The following GPHN variants were observed in gnomAD, a reference collection of about 807,000 sequenced individuals.
GPHN encodes gephyrin.
In GPHN, 17 loss-of-function variants were observed where a neutral mutation model predicts 95.5. That is an observed-to-expected ratio of 0.18 (90% CI 0.12 to 0.27). The LOEUF (loss-of-function observed/expected upper bound fraction) is 0.27. GPHN is among the 10% of genes least tolerant of loss of function. The probability of loss-of-function intolerance (pLI) is 1.00; values close to 1 mark genes in which losing one functional copy is unlikely to be tolerated. For synonymous variants in GPHN, 320 were observed against 322.5 expected, an observed-to-expected ratio of 0.99 and a Z score of 0.08; for missense variants, 660 against 978.1, an observed-to-expected ratio of 0.67 and a Z score of 4.34.
chr14:66,886,590 GA>G (rs781310952), intron 5 of GPHN, among the ~76,000 whole-genome samples: 1 of 151,228 alleles, frequency 6.6e-6, no homozygotes, highest in Non-Finnish European at 1.5e-5. Context: ...TACAATCGCT[GA>G]AAAAAAATCA....
intron 4 of GPHN, among the ~76,000 whole-genome samples, chr14:66,833,891 A>C (rs2061684049): frequency 6.6e-6 from 1 of 152,180 alleles, no homozygotes; most frequent in African/African-American, 2.4e-5. Flanking sequence ...TTTGTATAAA[A>C]TTACAAACTT....
In GPHN at chr14:66,817,339, G is replaced by A. The variant is rs76945470; in HGVS notation, c.202-7135G>A. ...TATATAATCATATTCTTAAGACTTT[G>A]TGCCAATTTATTTAAATATAATACA... On this transcript the variant is annotated intron_variant, in intron 3 of 22. Coordinates refer to ENST00000478722, the MANE Select transcript of GPHN (RefSeq NM_020806.5). 3.1e-3 allele frequency among the ~76,000 whole-genome samples: 474 copies of A among 152,074 alleles called. 11 individuals carry two copies. The highest frequency in any genetic ancestry group is 0.011 in the African/African-American group (448 of 41,502).
the GPHN span, chr14:67,656,620 C>T: frequency 1.9e-6 from 3 of 1,576,404 alleles, no homozygotes; most frequent in African/African-American, 4.1e-5. Context: ...AAATGTTAGA[C>T]TTTTTCCATT....
At chr14:67,132,308 A>G (rs1214133910) in intron 17 of GPHN, among the ~76,000 whole-genome samples, 1 of 152,192 alleles carries the variant, frequency 6.6e-6, no homozygotes, top group African/African-American at 2.4e-5. Flanking sequence ...CAATGTTCTT[A>G]AAGTAGGAGT....
At chr14:67,478,985 C>CA in the GPHN span, among the ~76,000 whole-genome samples, 25 of 152,320 alleles carry the variant, frequency 1.6e-4, no homozygotes, top group African/African-American at 5.1e-4. Context: ...TGCACATATA[C>CA]AAAAAAATTA....
intron 4 of GPHN, among the ~76,000 whole-genome samples, chr14:66,878,647 G>A (rs1203677953): frequency 6.6e-6 from 1 of 152,048 alleles, no homozygotes; most frequent in Non-Finnish European, 1.5e-5. Flanking sequence ...AAAAATGCAA[G>A]TCAAAAACCA....
intron 4 of GPHN, among the ~76,000 whole-genome samples, chr14:66,838,744 TTCTC>T (rs1180439595): frequency 6.6e-6 from 1 of 152,186 alleles, no homozygotes; most frequent in East Asian, 1.9e-4. Context: ...GAATATGGAT[TTCTC>T]TCTCTGTGTA....
intron 9 of GPHN, among the ~76,000 whole-genome samples, chr14:66,997,839 A>G (rs754675205): frequency 7.2e-5 from 11 of 152,232 alleles, no homozygotes; most frequent in Non-Finnish European, 1.5e-4. Context: ...AGAAAGCCAA[A>G]TGAGCTATTT....
chr14:67,699,231 C>T, the GPHN span, among the ~76,000 whole-genome samples: 3 of 149,536 alleles, frequency 2.0e-5, no homozygotes, highest in East Asian at 5.9e-4. Flanking sequence ...ACAGCCTGGG[C>T]GACAAGAGCG....
the GPHN span, among the ~76,000 whole-genome samples, chr14:67,288,377 C>T: frequency 2.0e-5 from 3 of 152,078 alleles, no homozygotes; most frequent in Admixed American, 2.0e-4. Flanking sequence ...CCACCGCACC[C>T]AGCCATGAGA....
the GPHN span, chr14:67,653,464 C>A: frequency 6.2e-7 from 1 of 1,613,900 alleles, no homozygotes; most frequent in African/African-American, 1.3e-5. Context: ...GAGAATCTTC[C>A]GACTTTTGCT....
At chr14:66,900,070 G>A (rs1308051016) in intron 5 of GPHN, among the ~76,000 whole-genome samples, 2 of 151,760 alleles carry the variant, frequency 1.3e-5, no homozygotes, top group East Asian at 3.9e-4. Flanking sequence ...TTCTCTTATT[G>A]TTATTTTCTC....
intron 2 of GPHN, among the ~76,000 whole-genome samples, chr14:66,756,646 A>G (rs1214264003): frequency 6.6e-6 from 1 of 152,210 alleles, no homozygotes; most frequent in African/African-American, 2.4e-5. Flanking sequence ...ATTTGTTTTT[A>G]CTGTCTTTTG....
At chr14:66,602,319 C>A (rs2062291267) in intron 1 of GPHN, among the ~76,000 whole-genome samples, 1 of 151,942 alleles carries the variant, frequency 6.6e-6, no homozygotes. Context: ...AAACACCATA[C>A]TAATCCATAA....
the GPHN span, among the ~76,000 whole-genome samples, chr14:67,193,098 A>G: frequency 6.9e-6 from 1 of 144,272 alleles, no homozygotes; most frequent in African/African-American, 2.5e-5. Flanking sequence ...ATATCTCTAT[A>G]TATCTCTATA....
intron 5 of GPHN, among the ~76,000 whole-genome samples, chr14:66,901,353 G>C (rs2065122308): frequency 6.6e-6 from 1 of 151,768 alleles, no homozygotes; most frequent in Non-Finnish European, 1.5e-5. Context: ...TCCTGATTGT[G>C]TCCTTTGCTG....
the GPHN span, among the ~76,000 whole-genome samples, chr14:67,617,869 C>T: frequency 2.0e-5 from 3 of 152,092 alleles, no homozygotes; most frequent in Non-Finnish European, 4.4e-5. Flanking sequence ...TACAGGTGCC[C>T]GCCACCATGC....
intron 9 of GPHN, among the ~76,000 whole-genome samples, chr14:66,997,756 A>AT (rs1259842293): frequency 2.0e-5 from 3 of 152,114 alleles, no homozygotes; most frequent in Non-Finnish European, 4.4e-5. Context: ...TAACTGTGAG[A>AT]TTTTTTTCTC....
chr14:67,592,551 C>A, the GPHN span: 3 of 830,076 alleles, frequency 3.6e-6, no homozygotes, highest in Admixed American at 4.0e-5. Flanking sequence ...CAGGTATCTT[C>A]CAATACTCTG....
Sources: gnomAD v4.1 joint callset for allele counts (sites outside exome capture counted in the v4.1 genomes callset) on GRCh38, gnomAD v4.1.1 for gene constraint, MANE v1.5 for transcripts, NCBI Gene and HGNC (gene_info 2026-07-23, HGNC 2026-07-21) for gene names.